CAST: variants seen among roughly 807,000 people sequenced by gnomAD.
The protein encoded by CAST is MIR583 host.
A neutral mutation model predicts 119.6 loss-of-function variants in CAST; 76 were observed. The ratio of observed to expected loss-of-function variants is 0.64; its 90% CI spans 0.53 to 0.77. The LOEUF (loss-of-function observed/expected upper bound fraction) is 0.77. Ranked by LOEUF, CAST falls within the 30% of genes least tolerant of loss-of-function variation. The pLI is 0.00. For synonymous variants in CAST, 319 were observed against 331.6 expected, an observed-to-expected ratio of 0.96 and a Z score of 0.41; for missense variants, 953 against 946.5, an observed-to-expected ratio of 1.01 and a Z score of -0.09.
chr5:96,452,683 G>A, the CAST span, among the ~76,000 whole-genome samples: 9 of 144,228 alleles, frequency 6.2e-5, no homozygotes. Flanking sequence ...GGGCGCGGTG[G>A]CTCACGCCTG....
the CAST span, among the ~76,000 whole-genome samples, chr5:96,290,859 C>T: frequency 1.3e-5 from 2 of 152,202 alleles, no homozygotes; most frequent in Non-Finnish European, 2.9e-5. Context: ...ATAATCCCCT[C>T]TTGCTATCAG....
the CAST span, among the ~76,000 whole-genome samples, chr5:96,218,541 C>T: frequency 6.6e-6 from 1 of 152,208 alleles, no homozygotes; most frequent in African/African-American, 2.4e-5. Flanking sequence ...TTTTCTTCCT[C>T]TTCCAGCTTG....
chr5:96,215,220 A>G, the CAST span: 1 of 152,198 alleles, frequency 6.6e-6, no homozygotes, highest in Non-Finnish European at 1.5e-5. Context: ...TAGGACCCTT[A>G]CAGCCTTAAA....
At chr5:96,613,576 G>A (rs1216322593) in intron 1 of CAST, among the ~76,000 whole-genome samples, 3 of 152,138 alleles carry the variant, frequency 2.0e-5, no homozygotes, top group African/African-American at 7.2e-5. Flanking sequence ...TGATGGGGAC[G>A]GGATGCAAAA....
chr5:96,470,948 A>T, the CAST span, among the ~76,000 whole-genome samples: 43 of 152,238 alleles, frequency 2.8e-4, no homozygotes, highest in Non-Finnish European at 4.9e-4. Flanking sequence ...GAAACTGATA[A>T]AAATGACCTT....
At chr5:96,565,399 A>C (rs1047536625) in intron 1 of CAST, among the ~76,000 whole-genome samples, 2 of 152,118 alleles carry the variant, frequency 1.3e-5, no homozygotes, top group East Asian at 3.8e-4. Flanking sequence ...TACAACTAAT[A>C]TTTTCCAATA....
At chr5:96,624,224 G>A (rs1403207728) in intron 1 of CAST, among the ~76,000 whole-genome samples, 1 of 152,198 alleles carries the variant, frequency 6.6e-6, no homozygotes, top group Non-Finnish European at 1.5e-5. Flanking sequence ...TGTTTGGGGG[G>A]TTTGCTTTTG....
chr5:96,663,088 C>G (rs1471382627), intron 1 of CAST: 1 of 702,176 alleles, frequency 1.4e-6, no homozygotes, highest in African/African-American at 1.7e-5. Flanking sequence ...ACACCCCGCG[C>G]CCTCGCCGGC....
At chr5:96,448,254 T>C in the CAST span, among the ~76,000 whole-genome samples, 58 of 152,304 alleles carry the variant, frequency 3.8e-4, no homozygotes, top group African/African-American at 9.4e-4. Flanking sequence ...AGGAAATCTA[T>C]GCATAAAATA....
At chr5:96,704,906 T>C (rs1265227768) in intron 3 of CAST, among the ~76,000 whole-genome samples, 1 of 152,242 alleles carries the variant, frequency 6.6e-6, no homozygotes, top group Non-Finnish European at 1.5e-5. Flanking sequence ...TGGGTGACAA[T>C]TCTGAATTAG....
intron 1 of CAST, among the ~76,000 whole-genome samples, chr5:96,625,670 G>T (rs1747706461): frequency 6.6e-6 from 1 of 152,204 alleles, no homozygotes; most frequent in South Asian, 2.1e-4. Context: ...ATACAAAATT[G>T]CATTTTGTTT....
chr5:96,035,076 TATA>T, the CAST span, among the ~76,000 whole-genome samples: 1 of 140,978 alleles, frequency 7.1e-6, no homozygotes, highest in Non-Finnish European at 1.5e-5. Context: ...TAAGTATATA[TATA>T]TATATATATT....
At position 96,736,175 on chromosome 5, in the gene CAST, AAAG is replaced by A. The variant is rs1389775590; in HGVS notation, c.637_639del (p.Glu213del). The A allele has an allele frequency of 1.2e-6, 2 of 1,608,958 alleles. No homozygotes were observed. The highest frequency in any genetic ancestry group is 2.2e-5 in the South Asian group (2 of 90,694). ...TTAATTTCTCAATTCTCACCAGAAA[AAAG>A]AAAAGAAATCATTAACCCCAGCTGT... On this transcript the variant is annotated inframe_deletion, in exon 10 of 32. Transcript: ENST00000675179.
chr5:96,452,004 A>G, the CAST span, among the ~76,000 whole-genome samples: 1 of 152,218 alleles, frequency 6.6e-6, no homozygotes, highest in Admixed American at 6.5e-5. Flanking sequence ...GATGCTGGAG[A>G]GGATGTGGAG....
the CAST span, among the ~76,000 whole-genome samples, chr5:96,268,192 C>T: frequency 8.6e-5 from 13 of 151,950 alleles, no homozygotes; most frequent in Admixed American, 7.9e-4. Flanking sequence ...TTCAAGACAA[C>T]CCGAAAATAA....
the CAST span, among the ~76,000 whole-genome samples, chr5:96,322,571 A>G: frequency 6.6e-6 from 1 of 152,148 alleles, no homozygotes; most frequent in Non-Finnish European, 1.5e-5. Context: ...AGAACATGCC[A>G]TCTGAGACCC....
intron 20 of CAST, among the ~76,000 whole-genome samples, chr5:96,752,046 G>T (rs1765180972): frequency 6.6e-6 from 1 of 152,236 alleles, no homozygotes; most frequent in Middle Eastern, 3.4e-3. Flanking sequence ...AAAGGTCAGA[G>T]GACTCAAGAA....
At chr5:96,042,804 AT>A in the CAST span, among the ~76,000 whole-genome samples, 2 of 152,138 alleles carry the variant, frequency 1.3e-5, no homozygotes, top group Admixed American at 1.3e-4. Flanking sequence ...TTCTTAAAAA[AT>A]AAAATAAAAA....
intron 18 of CAST, among the ~76,000 whole-genome samples, chr5:96,747,711 A>T (rs1029733230): frequency 6.6e-6 from 1 of 152,220 alleles, no homozygotes; most frequent in Non-Finnish European, 1.5e-5. Flanking sequence ...CAAATTCTCT[A>T]ATGATTCTAT....
Sources: allele counts gnomAD v4.1 joint callset (sites outside exome capture counted in the v4.1 genomes callset), GRCh38; gene constraint gnomAD v4.1.1; transcripts MANE v1.5; gene names NCBI Gene and HGNC (gene_info 2026-07-23, HGNC 2026-07-21).